Variants in NBAS observed in about 807,000 individuals in gnomAD.
NBAS encodes NBAS subunit of NRZ tethering complex, also known as NAG/BC035112 fusion.
Under a neutral mutation model 302.5 loss-of-function variants are expected in NBAS, and 219 were observed. That is an observed-to-expected ratio of 0.72 (90% confidence interval 0.65 to 0.81). The LOEUF (loss-of-function observed/expected upper bound fraction) is 0.81, where lower values mean the gene tolerates loss of function less well. NBAS is among the 30% of genes least tolerant of loss of function. NBAS has a pLI of 0.00. For synonymous variants in NBAS, 1,118 were observed against 1,021.6 expected (o/e 1.09, Z -1.80); for missense variants, 2,932 against 2,841.6 (o/e 1.03, Z -0.72).
intron 48 of NBAS, among the ~76,000 whole-genome samples, chr2:15,208,332 C>G (rs979606782): frequency 3.3e-5 from 5 of 152,072 alleles, no homozygotes; most frequent in Admixed American, 1.3e-4. Context: ...AAAGTGCCCC[C>G]GTGATTCAAT....
chr2:15,210,571 C>A (rs533240070), intron 48 of NBAS, among the ~76,000 whole-genome samples: 5 of 152,122 alleles, frequency 3.3e-5, no homozygotes, highest in Non-Finnish European at 5.9e-5. Flanking sequence ...GGAAGTTCCT[C>A]ACAAAACTAA....
chr2:15,544,938 G>A (rs1267584408), intron 6 of NBAS, among the ~76,000 whole-genome samples: 1 of 152,008 alleles, frequency 6.6e-6, no homozygotes, highest in African/African-American at 2.4e-5. Context: ...TTGAACCCAG[G>A]AGGTGGAGGT....
the NBAS span, among the ~76,000 whole-genome samples, chr2:14,908,718 A>T: frequency 6.6e-6 from 1 of 152,222 alleles, no homozygotes; most frequent in East Asian, 1.9e-4. Context: ...ACAGGGCAAT[A>T]TGCTAACAGG....
At chr2:15,491,271 C>A (rs75177956) in intron 11 of NBAS, among the ~76,000 whole-genome samples, 5,797 of 152,248 alleles carry the variant, frequency 0.038, 330 homozygotes, top group African/African-American at 0.13. Flanking sequence ...TCTGGAGGTG[C>A]CCTCCCCAAA....
downstream of NBAS, among the ~76,000 whole-genome samples, chr2:15,165,349 G>T (rs1252879436): frequency 6.6e-6 from 1 of 152,178 alleles, no homozygotes; most frequent in Non-Finnish European, 1.5e-5. Context: ...GGAGAAATAT[G>T]GTGTCCTCTT....
At position 15,235,656 on chromosome 2, in the gene NBAS, A is replaced by C. The variant is rs146517473; in HGVS notation, c.5944-909T>G. The stretch of plus-strand genomic sequence containing the variant: ...GTGGTTATTTTAAAGTATCTTTTAG[A>C]GATAGATAGGGAGGTATTTATGAAT... On this transcript the variant is annotated intron_variant, in intron 45 of 51. Transcript: ENST00000281513. Among the ~76,000 whole-genome samples, 636 of 152,270 alleles carry C rather than the reference A, an allele frequency of 4.2e-3. 5 individuals are homozygous for C. Among genetic ancestry groups the C allele is most frequent in the South Asian group, 0.015 (73 of 4,820 alleles).
chr2:14,981,912 C>T, the NBAS span, among the ~76,000 whole-genome samples: 2 of 152,142 alleles, frequency 1.3e-5, no homozygotes, highest in South Asian at 4.1e-4. Flanking sequence ...CTAGTTCTTC[C>T]CTCCCTCTGT....
the NBAS span, among the ~76,000 whole-genome samples, chr2:14,961,180 T>A: frequency 6.6e-6 from 1 of 151,908 alleles, no homozygotes; most frequent in South Asian, 2.1e-4. Flanking sequence ...AACTTGCAGC[T>A]CTCAGGAGAG....
intron 21 of NBAS, among the ~76,000 whole-genome samples, chr2:15,452,560 C>T (rs1157154235): frequency 6.6e-6 from 1 of 150,858 alleles, no homozygotes; most frequent in East Asian, 1.9e-4. Flanking sequence ...TGCACTCCAG[C>T]CTGGGCAACA....
chr2:15,547,216 C>T (rs1282704342), intron 6 of NBAS, among the ~76,000 whole-genome samples: 1 of 152,086 alleles, frequency 6.6e-6, no homozygotes, highest in African/African-American at 2.4e-5. Flanking sequence ...AACCAAATAG[C>T]TCCTATTTCA....
chr2:15,227,422 A>C (rs1370664055), intron 47 of NBAS, among the ~76,000 whole-genome samples: 2 of 152,108 alleles, frequency 1.3e-5, no homozygotes, highest in African/African-American at 4.8e-5. Context: ...CATCCATAAT[A>C]CCCAAAGTGA....
chr2:14,857,886 AC>A, the NBAS span, among the ~76,000 whole-genome samples: 1 of 152,188 alleles, frequency 6.6e-6, no homozygotes. Context: ...TGAAGAGACA[AC>A]CCATAGAATG....
chr2:15,096,269 T>C, the NBAS span, among the ~76,000 whole-genome samples: 1 of 152,164 alleles, frequency 6.6e-6, no homozygotes, highest in Non-Finnish European at 1.5e-5. Context: ...CAAGATGCAA[T>C]ATTGCTCCCC....
chr2:15,081,543 C>T, the NBAS span, among the ~76,000 whole-genome samples: 458 of 152,334 alleles, frequency 3.0e-3, 4 homozygotes, highest in African/African-American at 0.01. Flanking sequence ...CCAATGCCCA[C>T]GACCTCTTCA....
chr2:14,897,805 G>A, the NBAS span, among the ~76,000 whole-genome samples: 3 of 152,146 alleles, frequency 2.0e-5, no homozygotes, highest in Non-Finnish European at 4.4e-5. Flanking sequence ...TAAGAAGGCG[G>A]TGGTTAACAA....
At position 15,417,935 on chromosome 2, in the gene NBAS, G is replaced by GAAGAT. The variant is rs140193277; in HGVS notation, c.2578-224_2578-223insATCTT. Reference sequence around the variant, plus strand: ...AATCAAACAATCAGCAAGAAATACGGAAGAGAAAGACAACCAACCTATTAT... The same window carrying GAAGAT: ...AATCAAACAATCAGCAAGAAATACGGAAGATAAGAGAAAGACAACCAACCTATTAT... On this transcript the variant is annotated intron_variant, in intron 23 of 51. Coordinates refer to ENST00000281513, the MANE Select transcript of NBAS (RefSeq NM_015909.4). Among the ~76,000 whole-genome samples the GAAGAT allele has an allele frequency of 6.8e-3, 1,028 of 152,230 alleles. 12 individuals are homozygous for GAAGAT. The highest frequency in any genetic ancestry group is 0.022 in the African/African-American group (928 of 41,538).
At chr2:15,255,681 G>T (rs1288577518) in intron 44 of NBAS, among the ~76,000 whole-genome samples, 1 of 152,104 alleles carries the variant, frequency 6.6e-6, no homozygotes, top group African/African-American at 2.4e-5. Context: ...TATGCTTCAG[G>T]TGTTAGATTT....
the NBAS span, among the ~76,000 whole-genome samples, chr2:14,840,558 G>C: frequency 6.6e-6 from 1 of 151,952 alleles, no homozygotes; most frequent in African/African-American, 2.4e-5. Flanking sequence ...ACATAAAGGA[G>C]CTCCAATTAA....
the NBAS span, among the ~76,000 whole-genome samples, chr2:14,931,349 T>C: frequency 6.6e-6 from 1 of 152,192 alleles, no homozygotes; most frequent in South Asian, 2.1e-4. Context: ...ATGTGAGGGG[T>C]TTGCTGGGCT....
Sources: allele counts gnomAD v4.1 joint callset (sites outside exome capture counted in the v4.1 genomes callset), GRCh38; gene constraint gnomAD v4.1.1; transcripts MANE v1.5; gene names NCBI Gene and HGNC (gene_info 2026-07-23, HGNC 2026-07-21).